Variants in ZNF385D observed in about 807,000 individuals in gnomAD.
The protein encoded by ZNF385D is zinc finger protein 385D, also known as zinc finger protein 659.
In ZNF385D, 15 loss-of-function variants were observed where a neutral mutation model predicts 35.8. The ratio of observed to expected loss-of-function variants is 0.42; its 90% CI spans 0.28 to 0.64. The LOEUF is 0.64. Ranked by LOEUF, ZNF385D falls within the 30% of genes least tolerant of loss-of-function variation. ZNF385D has a pLI of 0.23. For synonymous variants in ZNF385D, 212 were observed against 186.8 expected, an observed-to-expected ratio of 1.13 and a Z score of -1.10; for missense variants, 474 against 494.6, an observed-to-expected ratio of 0.96 and a Z score of 0.39.
intron 2 of ZNF385D, among the ~76,000 whole-genome samples, chr3:22,209,471 C>T (rs2125257648): frequency 6.6e-6 from 1 of 151,880 alleles, no homozygotes; most frequent in East Asian, 1.9e-4. Context: ...CTCTACCCTA[C>T]ATATGGTGTT....
chr3:22,201,739 G>T (rs563156099), intron 2 of ZNF385D, among the ~76,000 whole-genome samples: 57 of 151,900 alleles, frequency 3.8e-4, no homozygotes, highest in African/African-American at 1.1e-3. Context: ...ATGCATACAT[G>T]CAGGAAGGCA....
At chr3:21,915,057 T>C (rs1231303869) in intron 3 of ZNF385D, among the ~76,000 whole-genome samples, 1 of 121,848 alleles carries the variant, frequency 8.2e-6, no homozygotes. Flanking sequence ...ATTTTAAGAA[T>C]GAGTAGAAAT....
chr3:22,360,994 CA>C (rs1390112119), intron 2 of ZNF385D, among the ~76,000 whole-genome samples: 1 of 151,982 alleles, frequency 6.6e-6, no homozygotes, highest in Non-Finnish European at 1.5e-5. Context: ...TTCTGATACA[CA>C]AGGTCGATTA....
chr3:22,191,031 G>T (rs956907111), intron 2 of ZNF385D, among the ~76,000 whole-genome samples: 1 of 151,878 alleles, frequency 6.6e-6, no homozygotes, highest in Non-Finnish European at 1.5e-5. Flanking sequence ...AAAGAAATTG[G>T]CAGTAATTAT....
At chr3:21,972,283 T>C (rs1419539378) in intron 3 of ZNF385D, among the ~76,000 whole-genome samples, 1 of 151,664 alleles carries the variant, frequency 6.6e-6, no homozygotes, top group African/African-American at 2.4e-5. Context: ...CTAGAAATCA[T>C]TTGGAAAGTA....
chr3:21,858,740 C>T (rs954638304), intron 3 of ZNF385D, among the ~76,000 whole-genome samples: 3 of 152,174 alleles, frequency 2.0e-5, no homozygotes, highest in South Asian at 4.1e-4. Context: ...TAAGACAGCA[C>T]GAATGATTGG....
At chr3:21,977,153 G>A (rs975935794) in intron 3 of ZNF385D, among the ~76,000 whole-genome samples, 10 of 152,256 alleles carry the variant, frequency 6.6e-5, no homozygotes, top group Admixed American at 5.2e-4. Context: ...TCTAATTAGA[G>A]GAAGATTGAT....
intron 3 of ZNF385D, among the ~76,000 whole-genome samples, chr3:22,106,318 A>C (rs1420525192): frequency 6.6e-6 from 1 of 152,114 alleles, no homozygotes; most frequent in Non-Finnish European, 1.5e-5. Context: ...AGTAAGGACA[A>C]TTACTGCTTA....
At chr3:22,238,664 T>C (rs1279840288) in intron 2 of ZNF385D, among the ~76,000 whole-genome samples, 1 of 151,002 alleles carries the variant, frequency 6.6e-6, no homozygotes, top group African/African-American at 2.5e-5. Flanking sequence ...AACTCATTTA[T>C]TAGCTCTAAT....
intron 4 of ZNF385D, among the ~76,000 whole-genome samples, chr3:21,443,537 G>T (rs767498912): frequency 2.0e-5 from 3 of 152,088 alleles, no homozygotes; most frequent in Non-Finnish European, 4.4e-5. Flanking sequence ...AGAGTGGAGG[G>T]AACAATGAAT....
chr3:21,554,790 A>G lies in ZNF385D; in HGVS notation c.276+9784T>C, dbSNP rs185120713. Among the ~76,000 whole-genome samples, 14 of 152,210 alleles carry G rather than the reference A, an allele frequency of 9.2e-5. No individual in the cohort carries two copies. In the East Asian group the frequency reaches 2.7e-3, roughly 29 times the overall value. On this transcript the variant is annotated intron_variant, in intron 3 of 7. Transcript: ENST00000281523. ...CGTGCACGTTTATGTTATGGAGAGG[A>G]CTTCTTTCTTTAAACCTCATGAACC... is the stretch of plus-strand genomic sequence containing the variant.
At chr3:22,124,224 T>C (rs6798381) in intron 3 of ZNF385D, among the ~76,000 whole-genome samples, 139,302 of 151,680 alleles carry the variant, frequency 0.92, 64,126 homozygotes, top group African/African-American at 0.98. Flanking sequence ...ATTATGTCCT[T>C]CAGCTTCATC....
Position 21,751,026 on chromosome 3 carries a change from C to T in ZNF385D, c.-110G>A, listed in dbSNP as rs1438538392. 3.1e-6 allele frequency: 5 copies of T among 1,594,772 alleles called. No individual in the cohort carries two copies. Among genetic ancestry groups the T allele is most frequent in the East Asian group, 2.3e-5 (1 of 44,342 alleles). ...CTACATTCGGTGGAAATGTCCCCGG[C>T]GTGGAGAGCAGTGAGCGCCGAGAGC... On this transcript the variant is annotated 5_prime_UTR_variant, in exon 1 of 8. Coordinates refer to ENST00000281523, the MANE Select transcript of ZNF385D (RefSeq NM_024697.3).
intron 3 of ZNF385D, among the ~76,000 whole-genome samples, chr3:22,050,244 C>G (rs544241839): frequency 6.6e-6 from 1 of 151,436 alleles, no homozygotes; most frequent in Non-Finnish European, 1.5e-5. Flanking sequence ...CGCTTATAGC[C>G]CCAGCTACTC....
chr3:22,108,794 C>T (rs1356160826), intron 3 of ZNF385D, among the ~76,000 whole-genome samples: 2 of 152,134 alleles, frequency 1.3e-5, no homozygotes, highest in Non-Finnish European at 2.9e-5. Context: ...GGGTGGATCA[C>T]TTGAGGTCAT....
At chr3:21,838,407 G>C (rs995789908) in intron 3 of ZNF385D, among the ~76,000 whole-genome samples, 2 of 152,114 alleles carry the variant, frequency 1.3e-5, no homozygotes, top group Admixed American at 6.5e-5. Context: ...ACAGCTTCCA[G>C]CACTTCTCAT....
chr3:21,644,733 G>GA (rs981852554), intron 2 of ZNF385D, among the ~76,000 whole-genome samples: 5 of 151,668 alleles, frequency 3.3e-5, no homozygotes, highest in African/African-American at 1.2e-4. Context: ...TCGGTTTGAA[G>GA]AAAAAAAAGT....
intron 1 of ZNF385D, among the ~76,000 whole-genome samples, chr3:21,685,890 T>C (rs941876418): frequency 1.3e-5 from 2 of 152,012 alleles, no homozygotes; most frequent in African/African-American, 4.8e-5. Context: ...ACAGGTGAAT[T>C]CTCCCAGGCA....
intron 3 of ZNF385D, among the ~76,000 whole-genome samples, chr3:22,119,090 A>G (rs1189830866): frequency 1.3e-5 from 2 of 152,170 alleles, no homozygotes; most frequent in African/African-American, 4.8e-5. Flanking sequence ...TAACTGTTCT[A>G]CAGGGGCTAC....
Sources: gnomAD v4.1 joint callset for allele counts (sites outside exome capture counted in the v4.1 genomes callset) on GRCh38, gnomAD v4.1.1 for gene constraint, MANE v1.5 for transcripts, NCBI Gene and HGNC (gene_info 2026-07-23, HGNC 2026-07-21) for gene names.